The following PCCA variants were observed in gnomAD, a reference collection of about 807,000 sequenced individuals.
PCCA encodes propionyl-CoA carboxylase alpha chain, mitochondrial.
Under a neutral mutation model 101.3 loss-of-function variants are expected in PCCA, and 74 were observed. The observed-to-expected ratio is 0.73, with a 90% CI of 0.61 to 0.89. The LOEUF is 0.89. Among genes scored for constraint, PCCA ranks in the 40% least tolerant of loss-of-function variants. The pLI, the probability that PCCA is intolerant of heterozygous loss-of-function variation, is 0.00. For synonymous variants in PCCA, 294 were observed against 313.6 expected (o/e 0.94, Z 0.66); for missense variants, 891 against 907.0 (o/e 0.98, Z 0.23).
chr13:100,364,918 G>A (rs532816248), intron 18 of PCCA, among the ~76,000 whole-genome samples: 5 of 152,000 alleles, frequency 3.3e-5, no homozygotes, highest in Non-Finnish European at 5.9e-5. Context: ...TGGTGGTGGC[G>A]CACACCTGTA....
Position 100,286,624 on chromosome 13 carries a change from T to G in PCCA, c.1065+13278T>G, listed in dbSNP as rs576499692. Among the ~76,000 whole-genome samples, 441 of 152,308 alleles carry G rather than the reference T, an allele frequency of 2.9e-3. 1 individual carries two copies. The highest frequency in any genetic ancestry group is 0.01 in the African/African-American group (422 of 41,566). ...TCATATCTAACAACCCCTCCCCTTG[T>G]ATTTCCTTACAGCTTTCTTTTCAAA... On this transcript the variant is annotated intron_variant, in intron 12 of 23. Coordinates refer to ENST00000376285, the MANE Select transcript of PCCA (RefSeq NM_000282.4).
chr13:100,204,653 A>G (rs1019704791), intron 6 of PCCA, among the ~76,000 whole-genome samples: 4 of 152,256 alleles, frequency 2.6e-5, no homozygotes, highest in Admixed American at 2.0e-4. Flanking sequence ...ATGGTAAATT[A>G]AATCTCATTT....
intron 21 of PCCA, among the ~76,000 whole-genome samples, chr13:100,460,486 C>T (rs1320206598): frequency 6.6e-6 from 1 of 152,158 alleles, no homozygotes; most frequent in Non-Finnish European, 1.5e-5. Flanking sequence ...GGCATTCACC[C>T]AAGGACTCTT....
intron 9 of PCCA, among the ~76,000 whole-genome samples, chr13:100,261,506 C>T (rs1033309179): frequency 2.1e-4 from 32 of 152,116 alleles, no homozygotes; most frequent in African/African-American, 7.0e-4. Context: ...GCTGGGACTA[C>T]AGGCATGGGC....
chr13:100,186,331 C>T (rs919592802), intron 6 of PCCA, among the ~76,000 whole-genome samples: 2 of 152,074 alleles, frequency 1.3e-5, no homozygotes, highest in Non-Finnish European at 2.9e-5. Context: ...TCTGTGTTGT[C>T]CATAAGCACA....
chr13:100,308,740 A>C (rs891798883), intron 15 of PCCA, among the ~76,000 whole-genome samples: 1 of 152,202 alleles, frequency 6.6e-6, no homozygotes, highest in African/African-American at 2.4e-5. Context: ...TAAATATTCC[A>C]TTTTTAGATG....
chr13:100,145,138 A>C (rs146634139), intron 4 of PCCA, among the ~76,000 whole-genome samples: 138 of 152,362 alleles, frequency 9.1e-4, no homozygotes, highest in Middle Eastern at 6.8e-3. Context: ...TGGAAAGAGA[A>C]CTTGTGTAAG....
Position 100,489,593 on chromosome 13 carries a change from A to C in PCCA, c.1900-25834A>C, listed in dbSNP as rs1407930426. Among the ~76,000 whole-genome samples the C allele has an allele frequency of 4.6e-5, 7 of 152,270 alleles. No homozygotes were observed. The East Asian group carries it at 1.2e-3, about 25-fold the overall frequency. ...TGTGTGTATGTGTGTGCACATATGT[A>C]TACTAAAATATTGTAAAATGTCAAG... On this transcript the variant is annotated intron_variant, in intron 21 of 23. Coordinates refer to ENST00000376285, the MANE Select transcript of PCCA (RefSeq NM_000282.4).
At chr13:100,162,625 GT>G (rs1467694517) in intron 6 of PCCA, among the ~76,000 whole-genome samples, 1 of 151,000 alleles carries the variant, frequency 6.6e-6, no homozygotes, top group Admixed American at 6.6e-5. Context: ...TGTTTCTTTT[GT>G]TTTTCTCATC....
chr13:100,469,345 C>CAGGTTTA (rs1394662244), intron 21 of PCCA, among the ~76,000 whole-genome samples: 1 of 151,954 alleles, frequency 6.6e-6, no homozygotes, highest in Non-Finnish European at 1.5e-5. Context: ...GAAAAGGGCT[C>CAGGTTTA]AGGTTTAAGG....
chr13:100,202,774 C>G (rs570800425), intron 6 of PCCA, among the ~76,000 whole-genome samples: 1 of 150,296 alleles, frequency 6.7e-6, no homozygotes, highest in South Asian at 2.1e-4. Flanking sequence ...TTTTTATTTT[C>G]AATTTGTCTT....
At position 100,443,630 on chromosome 13, in the gene PCCA, G is replaced by A. The variant is rs149270793; in HGVS notation, c.1846-5622G>A. The stretch of plus-strand genomic sequence containing the variant: ...CTGAATGCACAGACTTTCTTGCCAC[G>A]CAGCAGTTCAGTGGGTTATTGTGAT... On this transcript the variant is annotated intron_variant, in intron 20 of 23. Transcript: ENST00000376285. Among the ~76,000 whole-genome samples the A allele has an allele frequency of 8.3e-4, 122 of 147,338 alleles. 1 individual carries two copies. The highest frequency in any genetic ancestry group is 2.5e-3 in the African/African-American group (101 of 40,148).
At chr13:100,397,359 T>C (rs78907921) in intron 19 of PCCA, among the ~76,000 whole-genome samples, 4,836 of 152,284 alleles carry the variant, frequency 0.032, 253 homozygotes, top group African/African-American at 0.11. Flanking sequence ...GTCTCCATTG[T>C]AGGATCGTTC....
At chr13:100,283,975 G>A (rs1176602365) in intron 12 of PCCA, among the ~76,000 whole-genome samples, 1 of 152,192 alleles carries the variant, frequency 6.6e-6, no homozygotes, top group Admixed American at 6.5e-5. Flanking sequence ...CCAACAACAG[G>A]ACTGAGGGTG....
At chr13:100,225,394 G>T (rs945517779) in intron 7 of PCCA, among the ~76,000 whole-genome samples, 1 of 152,198 alleles carries the variant, frequency 6.6e-6, no homozygotes, top group East Asian at 1.9e-4. Context: ...AGTAATACCC[G>T]TTTACACCAC....
intron 16 of PCCA, among the ~76,000 whole-genome samples, chr13:100,314,176 C>T (rs2067150012): frequency 6.6e-6 from 1 of 152,140 alleles, no homozygotes; most frequent in Non-Finnish European, 1.5e-5. Context: ...CACTATCACT[C>T]ACAGAACTCG....
chr13:100,444,799 T>C (rs2080688889), intron 20 of PCCA, among the ~76,000 whole-genome samples: 1 of 152,134 alleles, frequency 6.6e-6, no homozygotes, highest in Non-Finnish European at 1.5e-5. Flanking sequence ...GTGCTGGGAT[T>C]ATAGGTGTGA....
chr13:100,451,865 C>G (rs1369463732), intron 21 of PCCA, among the ~76,000 whole-genome samples: 1 of 1,228 alleles, frequency 8.1e-4, no homozygotes, highest in African/African-American at 3.1e-3. Flanking sequence ...TCTTCCTCTC[C>G]TCTCTCTCCT....
chr13:100,365,278 C>T (rs1255809416), intron 18 of PCCA, among the ~76,000 whole-genome samples: 1 of 152,172 alleles, frequency 6.6e-6, no homozygotes, highest in Non-Finnish European at 1.5e-5. Context: ...AAGGCCCCTC[C>T]TGGGACAAAT....
Sources: allele counts gnomAD v4.1 joint callset (sites outside exome capture counted in the v4.1 genomes callset), GRCh38; gene constraint gnomAD v4.1.1; transcripts MANE v1.5; gene names NCBI Gene and HGNC (gene_info 2026-07-23, HGNC 2026-07-21).